Variants in CEP57 observed in about 807,000 individuals in gnomAD.
CEP57 encodes the protein centrosomal protein of 57 kDa.
In CEP57, 40 loss-of-function variants were observed where a neutral mutation model predicts 68.0. The observed-to-expected ratio is 0.59, with a 90% CI of 0.46 to 0.77. The LOEUF is 0.77. CEP57 is among the 30% of genes least tolerant of loss of function. CEP57 has a pLI of 0.00. For synonymous variants in CEP57, 219 were observed against 198.7 expected (o/e 1.10, Z -0.86); for missense variants, 606 against 580.7 (o/e 1.04, Z -0.45).
intron 8 of CEP57, among the ~76,000 whole-genome samples, chr11:95,825,112 G>A (rs1428291586): frequency 1.3e-5 from 2 of 152,154 alleles, no homozygotes; most frequent in Admixed American, 6.5e-5. Context: ...CTGGATCAGG[G>A]AGCATAAGGA....
chr11:95,812,890 A>G, intron 2 of CEP57, 42 bp from the exon 3 acceptor site: 1 of 1,552,210 alleles, frequency 6.4e-7, no homozygotes, highest in Non-Finnish European at 8.9e-7. Flanking sequence ...CTTTCTCCGC[A>G]TATGCTGTTA....
Position 95,812,989 on chromosome 11 carries a change from G to C in CEP57, c.260G>C (p.Arg87Thr), listed in dbSNP as rs1862134129. The C allele has an allele frequency of 1.9e-6, 3 of 1,614,022 alleles. No homozygotes were observed. Among genetic ancestry groups the C allele is most frequent in the Non-Finnish European group, 2.5e-6 (3 of 1,180,008 alleles). The change falls in exon 3 of 11, where the codon AGG becomes ACG. Residue 87 changes from arginine (R) to threonine (T), a missense_variant. Transcript: ENST00000325542. ...AAGATTCGACGCTTGGAACTTGAGA[G>C]GATTCAGGCAGAAGAAAGTGTGAAA... ...QDKIRRLELE[R>T]IQAEESVKTL...
chr11:95,790,877 G>C, intron 1 of CEP57, 134 bp downstream of exon 1: 1 of 1,035,100 alleles, frequency 9.7e-7, no homozygotes, highest in Non-Finnish European at 1.5e-6. Flanking sequence ...AGATTGCCCC[G>C]CGCTCCCCAA....
In CEP57 at chr11:95,812,970, C is replaced by A. The variant is rs387906977; in HGVS notation, c.241C>A (p.Arg81=). The A allele has an allele frequency of 1.9e-6, 3 of 1,613,814 alleles. No individual in the cohort carries two copies. Among genetic ancestry groups the A allele is most frequent in the Non-Finnish European group, 2.5e-6 (3 of 1,179,972 alleles). ...SALKNLQDKI[R]RLELERIQAE... is the part of the protein sequence containing the mutation. ...TCTTAAGAATCTTCAAGATAAGATT[C>A]GACGCTTGGAACTTGAGAGGATTCA... The change falls in exon 3 of 11, where the codon CGA becomes AGA. Residue 81 remains arginine (R), a synonymous_variant. Transcript: ENST00000325542.
intron 8 of CEP57, among the ~76,000 whole-genome samples, chr11:95,823,592 G>C (rs1862602227): frequency 6.6e-6 from 1 of 151,756 alleles, no homozygotes; most frequent in Non-Finnish European, 1.5e-5. Flanking sequence ...TTTGCACACA[G>C]ACTACGTGAC....
At chr11:95,808,636 TC>T (rs1861915595) in intron 2 of CEP57, among the ~76,000 whole-genome samples, 1 of 152,090 alleles carries the variant, frequency 6.6e-6, no homozygotes, top group Admixed American at 6.5e-5. Flanking sequence ...GGTAAAGGGA[TC>T]AATTCAACAA....
intron 2 of CEP57, among the ~76,000 whole-genome samples, chr11:95,801,866 AC>A (rs1183566496): frequency 6.6e-6 from 1 of 152,132 alleles, no homozygotes; most frequent in African/African-American, 2.4e-5. Flanking sequence ...ATAAAAAGTA[AC>A]CTTTAAGCTT....
chr11:95,827,759 C>A (rs377056483), intron 8 of CEP57, 27 bp from the exon 9 acceptor site: 5 of 1,613,180 alleles, frequency 3.1e-6, no homozygotes, highest in Non-Finnish European at 3.4e-6. Context: ...ACTTCAATTA[C>A]TTCTTTCATC....
intron 2 of CEP57, among the ~76,000 whole-genome samples, chr11:95,800,281 A>G (rs1861517421): frequency 6.6e-6 from 1 of 152,188 alleles, no homozygotes; most frequent in Non-Finnish European, 1.5e-5. Context: ...GTTGCTTTGC[A>G]GACTTTTACT....
intron 1 of CEP57, 43 bp downstream of exon 1, chr11:95,790,786 G>A (rs1860999111): frequency 6.2e-7 from 1 of 1,610,008 alleles, no homozygotes; most frequent in African/African-American, 1.3e-5. Flanking sequence ...TCGGCCCTAA[G>A]CGCCTCTTTG....
intron 2 of CEP57, among the ~76,000 whole-genome samples, chr11:95,801,647 A>G (rs1861585253): frequency 6.6e-6 from 1 of 152,166 alleles, no homozygotes; most frequent in Non-Finnish European, 1.5e-5. Flanking sequence ...CATGAAAGGA[A>G]ACTTTTAAAA....
intron 1 of CEP57, among the ~76,000 whole-genome samples, chr11:95,793,640 G>T (rs562322410): frequency 6.6e-6 from 1 of 152,116 alleles, no homozygotes; most frequent in East Asian, 1.9e-4. Context: ...ACCTGGCAAG[G>T]CATAATCCTT....
chr11:95,794,166 GAA>G, intron 1 of CEP57: 4 of 433,618 alleles, frequency 9.2e-6, no homozygotes, highest in South Asian at 6.5e-5. Flanking sequence ...GGTCCTGAGA[GAA>G]AAAGTTTGCA....
chr11:95,816,446 T>G (rs546022814), intron 4 of CEP57, among the ~76,000 whole-genome samples: 24 of 152,328 alleles, frequency 1.6e-4, no homozygotes, highest in African/African-American at 5.8e-4. Context: ...GCTGTGTTTA[T>G]CTAACATTTC....
chr11:95,792,224 G>A (rs916807259), intron 1 of CEP57, among the ~76,000 whole-genome samples: 2 of 152,200 alleles, frequency 1.3e-5, no homozygotes, highest in Non-Finnish European at 2.9e-5. Flanking sequence ...TATTGGAAGT[G>A]TCAGCAGATG....
At chr11:95,792,935 A>G (rs1010533560) in intron 1 of CEP57, among the ~76,000 whole-genome samples, 3 of 151,924 alleles carry the variant, frequency 2.0e-5, no homozygotes, top group Non-Finnish European at 4.4e-5. Flanking sequence ...AAAAAAAAAA[A>G]CTTGTTAAAA....
In CEP57 at chr11:95,816,938, G is replaced by A. The variant is rs540784807; in HGVS notation, c.505-849G>A. The stretch of plus-strand genomic sequence containing the variant: ...AGGCAGGAGAATTACTTGAACCCAG[G>A]AGGCAGAGGTTGCAGTGAGCTGAGA... On this transcript the variant is annotated intron_variant, in intron 4 of 10. Transcript: ENST00000325542. Among the ~76,000 whole-genome samples the A allele has an allele frequency of 2.6e-5, 4 of 151,668 alleles. No homozygotes were observed. The South Asian group carries it at 8.4e-4, about 32-fold the overall frequency.
chr11:95,799,343 T>A lies in CEP57; in HGVS notation c.157T>A (p.Ser53Thr). The A allele has an allele frequency of 6.2e-7, 1 of 1,614,056 alleles. No homozygotes were observed. Among genetic ancestry groups the A allele is most frequent in the South Asian group, 1.1e-5 (1 of 91,076 alleles). ...TTTCCTTAATAGTGATCTACGACGC[T>A]CCCCAAGTAAGCCTACACTTGCCTA... ...KPFLNSDLRR[S>T]PSKPTLAYPE... The change falls in exon 2 of 11, where the codon TCC becomes ACC. Residue 53 changes from serine to threonine, a missense_variant. Ser to Thr is a moderately conservative substitution (Grantham distance 58). Coordinates refer to ENST00000325542, the MANE Select transcript of CEP57 (RefSeq NM_014679.5).
chr11:95,794,200 A>AT, intron 1 of CEP57: 1 of 453,218 alleles, frequency 2.2e-6, no homozygotes, highest in Non-Finnish European at 4.4e-6. Context: ...TAGGGCAGTG[A>AT]TTTTTCTTTT....
Sources: allele counts gnomAD v4.1 joint callset (sites outside exome capture counted in the v4.1 genomes callset), GRCh38; gene constraint gnomAD v4.1.1; transcripts MANE v1.5; gene names NCBI Gene and HGNC (gene_info 2026-07-23, HGNC 2026-07-21).